SEMA5A: variants seen among roughly 807,000 people sequenced by gnomAD.
The protein encoded by SEMA5A is semaphorin-5A.
A neutral mutation model predicts 135.5 loss-of-function variants in SEMA5A; 55 were observed. That is an observed-to-expected ratio of 0.41 (90% confidence interval 0.33 to 0.51). The LOEUF (loss-of-function observed/expected upper bound fraction) is 0.51. Among genes scored for constraint, SEMA5A ranks in the 20% least tolerant of loss-of-function variants. SEMA5A has a pLI of 0.37. For synonymous variants in SEMA5A, 580 were observed against 546.5 expected, an observed-to-expected ratio of 1.06 and a Z score of -0.85; for missense variants, 1,290 against 1,419.9, an observed-to-expected ratio of 0.91 and a Z score of 1.47.
At chr5:9,070,825 A>G (rs1244606522) in intron 16 of SEMA5A, among the ~76,000 whole-genome samples, 5 of 152,242 alleles carry the variant, frequency 3.3e-5, no homozygotes, top group Admixed American at 6.5e-5. Flanking sequence ...CACTTGAAGT[A>G]TCAAATTATG....
intron 11 of SEMA5A, among the ~76,000 whole-genome samples, chr5:9,156,410 G>A (rs1742958177): frequency 6.6e-6 from 1 of 152,172 alleles, no homozygotes; most frequent in South Asian, 2.1e-4. Flanking sequence ...GTCAGCCACA[G>A]GCCCTGCAAG....
intron 17 of SEMA5A, 48 bp downstream of exon 17, chr5:9,066,371 CAA>C: frequency 6.4e-7 from 1 of 1,564,628 alleles, no homozygotes; most frequent in Middle Eastern, 1.7e-4. Context: ...GAGAAAAGAT[CAA>C]AGGCCCTTCC....
intron 3 of SEMA5A, among the ~76,000 whole-genome samples, chr5:9,345,908 T>C (rs1380284822): frequency 2.0e-5 from 3 of 152,214 alleles, no homozygotes; most frequent in African/African-American, 7.2e-5. Context: ...TCTGTATACA[T>C]ATAGACACAC....
At chr5:9,231,193 C>T (rs1312230172) in intron 6 of SEMA5A, among the ~76,000 whole-genome samples, 3 of 152,148 alleles carry the variant, frequency 2.0e-5, no homozygotes, top group South Asian at 2.1e-4. Context: ...TGGCTGGGCA[C>T]GGTGGTTCCA....
chr5:9,138,853 G>A (rs575156721), intron 12 of SEMA5A, among the ~76,000 whole-genome samples: 25 of 152,268 alleles, frequency 1.6e-4, no homozygotes, highest in African/African-American at 5.5e-4. Flanking sequence ...GAGAACATGC[G>A]ACGTTTGCTT....
chr5:9,288,666 T>G (rs1429778623), intron 5 of SEMA5A, among the ~76,000 whole-genome samples: 1 of 152,224 alleles, frequency 6.6e-6, no homozygotes, highest in African/African-American at 2.4e-5. Flanking sequence ...TGAATGAAAT[T>G]CATTTTCTAA....
At chr5:9,200,353 T>G (rs1323025817) in intron 9 of SEMA5A, among the ~76,000 whole-genome samples, 2 of 152,210 alleles carry the variant, frequency 1.3e-5, no homozygotes, top group Non-Finnish European at 2.9e-5. Flanking sequence ...TTTTATAACT[T>G]CTGAAATTGG....
chr5:9,359,617 A>G (rs1561184318), intron 3 of SEMA5A, among the ~76,000 whole-genome samples: 1 of 152,188 alleles, frequency 6.6e-6, no homozygotes, highest in Non-Finnish European at 1.5e-5. Context: ...TGCACCTATA[A>G]TAACTATTCC....
chr5:9,064,392 C>A (rs763037767), intron 17 of SEMA5A, among the ~76,000 whole-genome samples: 1 of 152,092 alleles, frequency 6.6e-6, no homozygotes, highest in Non-Finnish European at 1.5e-5. Flanking sequence ...TGAAACCTGG[C>A]CAAATGCCCA....
At chr5:9,294,633 AAC>A in intron 5 of SEMA5A, among the ~76,000 whole-genome samples, 1 of 152,148 alleles carries the variant, frequency 6.6e-6, no homozygotes, top group East Asian at 1.9e-4. Flanking sequence ...TCAGAATCCA[AAC>A]ACAACATATG....
chr5:9,219,534 A>G (rs1389942260), intron 8 of SEMA5A, among the ~76,000 whole-genome samples: 1 of 152,188 alleles, frequency 6.6e-6, no homozygotes, highest in Admixed American at 6.5e-5. Context: ...GTGGGCTTTA[A>G]TCCAATATGA....
intron 16 of SEMA5A, among the ~76,000 whole-genome samples, chr5:9,082,101 G>A (rs1322496791): frequency 2.0e-5 from 3 of 152,128 alleles, no homozygotes; most frequent in African/African-American, 7.2e-5. Context: ...ATGCTATCTG[G>A]AATCAAACAA....
chr5:9,204,416 C>A lies in SEMA5A; in HGVS notation c.647-2176G>T, dbSNP rs1374812661. The stretch of plus-strand genomic sequence containing the variant: ...CACATAGTAAATAGCTCCAGTTTCT[C>A]AAAAGTCCTGAGCTGAAAAACGAGA... On this transcript the variant is annotated intron_variant, in intron 8 of 22. Transcript: ENST00000382496. This position sits in a 1 kb window ranked among gnomAD's most constrained non-coding sequence, Gnocchi z 6.4. 6.6e-6 allele frequency among the ~76,000 whole-genome samples: 1 copy of A among 152,126 alleles called. No homozygotes were observed. Among genetic ancestry groups the A allele is most frequent in the Non-Finnish European group, 1.5e-5 (1 of 68,014 alleles).
intron 3 of SEMA5A, among the ~76,000 whole-genome samples, chr5:9,357,081 G>T (rs894462826): frequency 1.3e-5 from 2 of 152,220 alleles, no homozygotes; most frequent in South Asian, 4.2e-4. Context: ...CTACCTGAAG[G>T]TCACATGCAT....
intron 15 of SEMA5A, among the ~76,000 whole-genome samples, chr5:9,118,215 A>G (rs1740624534): frequency 1.3e-5 from 2 of 152,226 alleles, no homozygotes; most frequent in African/African-American, 4.8e-5. Flanking sequence ...TTATATTAGT[A>G]TAGCTGAATA....
At chr5:9,312,626 T>C (rs563617374) in intron 5 of SEMA5A, among the ~76,000 whole-genome samples, 1 of 152,194 alleles carries the variant, frequency 6.6e-6, no homozygotes, top group African/African-American at 2.4e-5. Context: ...ATTTACCTCA[T>C]ACAGATAACA....
At chr5:9,066,135 G>A (rs1005327405) in intron 17 of SEMA5A, among the ~76,000 whole-genome samples, 1 of 152,160 alleles carries the variant, frequency 6.6e-6, no homozygotes, top group Non-Finnish European at 1.5e-5. Context: ...TACATTTTCT[G>A]ATACTGAATA....
At chr5:9,138,073 G>T (rs1371924484) in intron 12 of SEMA5A, among the ~76,000 whole-genome samples, 1 of 152,160 alleles carries the variant, frequency 6.6e-6, no homozygotes, top group Non-Finnish European at 1.5e-5. Flanking sequence ...ATTACCTAAA[G>T]AAGTGCAAAT....
chr5:9,316,296 A>C (rs1032820678), intron 5 of SEMA5A, among the ~76,000 whole-genome samples: 40 of 152,266 alleles, frequency 2.6e-4, no homozygotes, highest in African/African-American at 9.6e-4. Flanking sequence ...TCCTTGCCCA[A>C]TTCTAGATTA....
Sources: allele counts gnomAD v4.1 joint callset (sites outside exome capture counted in the v4.1 genomes callset), GRCh38; gene constraint gnomAD v4.1.1; non-coding constraint Gnocchi (gnomAD v3.1); transcripts MANE v1.5; gene names NCBI Gene and HGNC (gene_info 2026-07-23, HGNC 2026-07-21).